Variants in CPSF4 observed in about 807,000 individuals in gnomAD.
CPSF4 encodes cleavage and polyadenylation specificity factor subunit 4.
In CPSF4, 11 loss-of-function variants were observed where a neutral mutation model predicts 37.7. The ratio of observed to expected loss-of-function variants is 0.29; its 90% CI spans 0.18 to 0.48. The LOEUF is 0.48. Among genes scored for constraint, CPSF4 ranks in the 20% least tolerant of loss-of-function variants. The pLI, the probability that CPSF4 is intolerant of heterozygous loss-of-function variation, is 0.99. For missense variants in CPSF4, 144 were observed against 359.5 expected, an observed-to-expected ratio of 0.40 and a Z score of 4.85; for synonymous variants, 132 against 135.9, an observed-to-expected ratio of 0.97 and a Z score of 0.20.
rs1798092930 is a variant in CPSF4 at position 99,453,714 on chromosome 7, CTT to C, written c.571-251_571-250del. On this transcript the variant is annotated intron_variant, in intron 6 of 7. Transcript: ENST00000292476. The surrounding 1 kb of genome is among the most constrained non-coding windows in gnomAD (Gnocchi z 4.7). ...CGCCCCACTGCCCCAGAGACCTCCT[CTT>C]GTCTCTTTGATGTTTTGTTTTCTAT... The C allele has an allele frequency of 2.2e-6, 1 of 458,962 alleles. No homozygotes were observed. The highest frequency in any genetic ancestry group is 2.0e-5 in the African/African-American group (1 of 50,166). 28.4% of individuals were successfully genotyped at this position (458,962 alleles called of 1,614,324 possible).
At position 99,456,688 on chromosome 7, in the gene CPSF4, C is replaced by T. The variant is rs1211319185; in HGVS notation, c.*188C>T. ...GCCTTAGTATTTTTTGAAAAAGGGA[C>T]ATGTGTCCTGTGGGTCCCTGCAGTC... On this transcript the variant is annotated 3_prime_UTR_variant, in exon 8 of 8. Coordinates refer to ENST00000292476, the MANE Select transcript of CPSF4 (RefSeq NM_006693.4). 1 of 677,654 alleles carries T rather than the reference C, an allele frequency of 1.5e-6. No individual in the cohort carries two copies. The highest frequency in any genetic ancestry group is 2.7e-6 in the Non-Finnish European group (1 of 370,172). The allele number at this position is 677,654 out of a possible 1,614,324, so 42.0% of individuals were successfully genotyped here.
chr7:99,440,670 A>AT (rs1562852811), intron 1 of CPSF4, among the ~76,000 whole-genome samples: 1 of 82,706 alleles, frequency 1.2e-5, no homozygotes, highest in Admixed American at 1.2e-4. Flanking sequence ...ATATATATAT[A>AT]TATATTTTTT....
rs936389065 is a variant in CPSF4 at position 99,439,387 on chromosome 7, C to G, written c.103+202C>G. On this transcript the variant is annotated intron_variant, in intron 1 of 7. Transcript: ENST00000292476. ...CCTCCTCCGGGTCCTGGGATCCTCC[C>G]CTTTAGTTACCGAACTCCCTCATCT... is the stretch of plus-strand genomic sequence containing the variant. 2.2e-5 allele frequency: 11 copies of G among 498,850 alleles called. No individual in the cohort carries two copies. The East Asian group carries it at 3.8e-4, about 17-fold the overall frequency. The allele number at this position is 498,850 out of a possible 1,614,324, so 30.9% of individuals were successfully genotyped here. A position where few individuals can be genotyped will look rare whatever the true frequency, so the allele number is the denominator to read the frequency against.
In CPSF4 at chr7:99,439,239, T is replaced by G. The variant is rs1005971670; in HGVS notation, c.103+54T>G. The G allele has an allele frequency of 1.4e-5, 18 of 1,321,038 alleles. No individual in the cohort carries two copies. In the Middle Eastern group the frequency reaches 9.7e-4, roughly 71 times the overall value. 81.8% of individuals were successfully genotyped at this position (1,321,038 alleles called of 1,614,324 possible). On this transcript the variant is annotated intron_variant, in intron 1 of 7. Transcript: ENST00000292476. ...AGAGCGACTCGAACCCGGGACCCGC[T>G]CCTCTGTGATCCCGGGACTCCCTCG...
chr7:99,452,627 C>G (rs1798015180), intron 6 of CPSF4, 187 bp downstream of exon 6: 1 of 589,788 alleles, frequency 1.7e-6, no homozygotes, highest in Non-Finnish European at 3.0e-6. Flanking sequence ...GACGGAGGGC[C>G]TCTTGCCCTA....
At chr7:99,444,665 T>A in intron 1 of CPSF4, 124 bp from the exon 2 acceptor site, 1 of 886,992 alleles carries the variant, frequency 1.1e-6, no homozygotes, top group Admixed American at 2.3e-5. Context: ...TTTGCTACTT[T>A]ATTTCCTGTA....
intron 1 of CPSF4, among the ~76,000 whole-genome samples, chr7:99,442,077 C>A (rs947318320): frequency 2.8e-4 from 43 of 152,198 alleles, no homozygotes; most frequent in Non-Finnish European, 1.0e-4. Context: ...CTAGCAAAAT[C>A]TGCTTGCTTC....
intron 1 of CPSF4, 150 bp from the exon 2 acceptor site, chr7:99,444,639 T>C (rs1797325323): frequency 1.5e-6 from 1 of 645,552 alleles, no homozygotes; most frequent in South Asian, 1.8e-5. Context: ...CCTTGCTTGG[T>C]TGGGCTTTGC....
rs747281063 is a variant in CPSF4, at chr7:99,448,001, C to T, written c.155-120C>T. 1.3e-5 allele frequency: 12 copies of T among 899,236 alleles called. No individual in the cohort carries two copies. The highest frequency in any genetic ancestry group is 2.2e-5 in the Admixed American group (1 of 45,746). The allele number at this position is 899,236 out of a possible 1,614,324, so 55.7% of individuals were successfully genotyped here. The stretch of plus-strand genomic sequence containing the variant: ...GGGGGACCTCTGCCCCTTTCCAGGA[C>T]GTGATGCCTTCAGGTGGCTCCAGGA... On this transcript the variant is annotated intron_variant, in intron 2 of 7. Transcript: ENST00000292476. The surrounding 1 kb of genome is among the most constrained non-coding windows in gnomAD (Gnocchi z 4.4).
chr7:99,449,842 G>T lies in CPSF4; in HGVS notation c.308-434G>T, dbSNP rs182178484. Among the ~76,000 whole-genome samples, 44 of 152,300 alleles carry T rather than the reference G, an allele frequency of 2.9e-4. No individual in the cohort carries two copies. In the East Asian group the frequency reaches 7.5e-3, roughly 26 times the overall value. On this transcript the variant is annotated intron_variant, in intron 3 of 7. Transcript: ENST00000292476. ...GGTACAGGGGGACCCATGTGGCTGG[G>T]GGGTGGCAGAGGCTGAGCCTGCGGA...
Position 99,456,833 on chromosome 7 carries a change from T to C in CPSF4, c.*333T>C. 2.4e-6 allele frequency: 1 copy of C among 422,912 alleles called. No homozygotes were observed. Among genetic ancestry groups the C allele is most frequent in the African/African-American group, 2.0e-5 (1 of 49,310 alleles). 26.2% of individuals were successfully genotyped at this position (422,912 alleles called of 1,614,324 possible). A position where few individuals can be genotyped will look rare whatever the true frequency, so the allele number is the denominator to read the frequency against. On this transcript the variant is annotated 3_prime_UTR_variant, in exon 8 of 8. Coordinates refer to ENST00000292476, the MANE Select transcript of CPSF4 (RefSeq NM_006693.4). ...TTGGCTAGGTAGTTCTGTGTGGCGG[T>C]GGTCATTCCCCTCATTAAACACCAG...
Position 99,447,979 on chromosome 7 carries a change from G to A in CPSF4, c.155-142G>A, listed in dbSNP as rs576775744. ...CAAATCATGTTGCCTTCTGTGAGGGGGACCTCTGCCCCTTTCCAGGACGTG... is the reference window on the plus strand; with the variant it reads ...CAAATCATGTTGCCTTCTGTGAGGGAGACCTCTGCCCCTTTCCAGGACGTG... On this transcript the variant is annotated intron_variant, in intron 2 of 7. Transcript: ENST00000292476. The A allele has an allele frequency of 1.0e-4, 72 of 705,546 alleles. 1 individual carries two copies. The South Asian group carries it at 1.2e-3, about 12-fold the overall frequency. The allele number at this position is 705,546 out of a possible 1,614,324, so 43.7% of individuals were successfully genotyped here.
intron 1 of CPSF4, 136 bp downstream of exon 1, chr7:99,439,321 G>T: frequency 1.6e-6 from 1 of 606,688 alleles, no homozygotes; most frequent in Non-Finnish European, 2.8e-6. Flanking sequence ...CTCCCCTTTG[G>T]TCGCAGGACT....
At position 99,452,416 on chromosome 7, in the gene CPSF4, G is replaced by A. The variant is rs17854665; in HGVS notation, c.546G>A (p.Pro182=). Residue 182 remains proline (P), a synonymous_variant, in exon 6 of 8, where the codon CCG becomes CCA. Coordinates refer to ENST00000292476, the MANE Select transcript of CPSF4 (RefSeq NM_006693.4). ...GAACCACCGAGCAGCCCCCACTGCC[G>A]CAGCAGACACAGCCTCCAGCAAAGG... ...PMGTTEQPPL[P]QQTQPPAKQS... The A allele has an allele frequency of 0.05, 80,024 of 1,613,670 alleles. 3,222 individuals carry two copies. Among genetic ancestry groups the A allele is most frequent in the African/African-American group, 0.21 (15,536 of 74,916 alleles).
In CPSF4 at chr7:99,452,440, G is replaced by C; in HGVS notation, c.570G>C (p.Lys190Asn). 6.2e-7 allele frequency: 1 copy of C among 1,613,734 alleles called. No individual in the cohort carries two copies. Among genetic ancestry groups the C allele is most frequent in the Non-Finnish European group, 8.5e-7 (1 of 1,179,802 alleles). ...CGCAGCAGACACAGCCTCCAGCAAA[G>C]GTACCGTGCCTGGCCTTCCTCGGTA... ...PLPQQTQPPA[K>N]QSNNPPLQRS... The change falls in exon 6 of 8, where the codon AAG (lysine) becomes AAC (asparagine). Residue 190 changes from lysine (K) to asparagine (N), a missense_variant and splice_region_variant. Physicochemically the swap from Lys to Asn is moderately conservative, Grantham distance 94. Around this residue, in one of 4 missense-constraint regions of CPSF4, gnomAD observed 86 missense variants for 141.5 expected, o/e 0.61. Transcript: ENST00000292476.
chr7:99,456,386 T>G, intron 7 of CPSF4, 46 bp from the exon 8 acceptor site: 1 of 1,565,916 alleles, frequency 6.4e-7, no homozygotes, highest in Non-Finnish European at 8.8e-7. Context: ...ATTTGAACAG[T>G]GTTGTTGTCT....
At position 99,456,625 on chromosome 7, in the gene CPSF4, ACT is replaced by A; in HGVS notation, c.*128_*129del. On this transcript the variant is annotated 3_prime_UTR_variant, in exon 8 of 8. Coordinates refer to ENST00000292476, the MANE Select transcript of CPSF4 (RefSeq NM_006693.4). ...GGCCCGCAGACACGTGGGTTTCATC[ACT>A]CTGAGGGGCCACGTCTGTTAGTTTC... 1.3e-6 allele frequency: 1 copy of A among 774,460 alleles called. No homozygotes were observed. Among genetic ancestry groups the A allele is most frequent in the Non-Finnish European group, 2.2e-6 (1 of 446,870 alleles). The allele number at this position is 774,460 out of a possible 1,614,324, so 48.0% of individuals were successfully genotyped here. A position where few individuals can be genotyped will look rare whatever the true frequency, so the allele number is the denominator to read the frequency against.
chr7:99,440,039 GTT>G (rs1796751388), intron 1 of CPSF4, among the ~76,000 whole-genome samples: 2 of 152,056 alleles, frequency 1.3e-5, no homozygotes, highest in African/African-American at 4.8e-5. Context: ...GAAACCAGTA[GTT>G]TTCTTTGTGT....
chr7:99,451,570 A>C (rs1339146946), intron 5 of CPSF4, among the ~76,000 whole-genome samples: 2 of 152,214 alleles, frequency 1.3e-5, no homozygotes, highest in African/African-American at 4.8e-5. Context: ...GTGCCACTGC[A>C]CTCCAGCCTG....
Sources: allele counts gnomAD v4.1 joint callset (sites outside exome capture counted in the v4.1 genomes callset), GRCh38; gene constraint gnomAD v4.1.1; regional missense constraint gnomAD v4.1.1; non-coding constraint Gnocchi (gnomAD v3.1); transcripts MANE v1.5; gene names NCBI Gene and HGNC (gene_info 2026-07-23, HGNC 2026-07-21).